Variants in ZNF521 observed in about 807,000 individuals in gnomAD.
ZNF521 encodes the protein LYST-interacting protein 3.
In ZNF521, 14 loss-of-function variants were observed where a neutral mutation model predicts 105.5. The observed-to-expected ratio is 0.13, with a 90% CI of 0.09 to 0.21. The LOEUF is 0.21. Ranked by LOEUF, ZNF521 falls within the 10% of genes least tolerant of loss-of-function variation. The pLI, the probability that ZNF521 is intolerant of heterozygous loss-of-function variation, is 1.00. For missense variants in ZNF521, 1,233 were observed against 1,629.7 expected, an observed-to-expected ratio of 0.76 and a Z score of 4.19; for synonymous variants, 635 against 606.0, an observed-to-expected ratio of 1.05 and a Z score of -0.70.
chr18:25,268,959 G>A (rs186716380), intron 3 of ZNF521, among the ~76,000 whole-genome samples: 19 of 152,164 alleles, frequency 1.2e-4, no homozygotes, highest in Admixed American at 9.8e-4. Context: ...CAGGACAAAT[G>A]CCCCAATTAA....
At chr18:25,252,184 C>A (rs1007418482) in intron 3 of ZNF521, among the ~76,000 whole-genome samples, 1 of 151,790 alleles carries the variant, frequency 6.6e-6, no homozygotes, top group Non-Finnish European at 1.5e-5. Flanking sequence ...CTCCTAAGGG[C>A]GGTTCTATAA....
At chr18:25,323,105 G>A (rs956160106) in intron 2 of ZNF521, among the ~76,000 whole-genome samples, 2 of 151,970 alleles carry the variant, frequency 1.3e-5, no homozygotes, top group Non-Finnish European at 2.9e-5. Flanking sequence ...ACTGTGTGGG[G>A]AGGGGGCTGA....
At chr18:25,331,870 A>G (rs1208534935) in intron 2 of ZNF521, among the ~76,000 whole-genome samples, 1 of 148,564 alleles carries the variant, frequency 6.7e-6, no homozygotes, top group African/African-American at 2.5e-5. Flanking sequence ...TCTCTTTACT[A>G]GTGACTTTGG....
chr18:25,313,211 T>A (rs991715153), intron 3 of ZNF521, among the ~76,000 whole-genome samples: 2 of 152,150 alleles, frequency 1.3e-5, no homozygotes. Context: ...TTTTATCCCA[T>A]CTCATACTAA....
intron 2 of ZNF521, among the ~76,000 whole-genome samples, chr18:25,335,733 T>C (rs1913837394): frequency 1.3e-5 from 2 of 152,154 alleles, no homozygotes; most frequent in African/African-American, 4.8e-5. Flanking sequence ...TATATTAAGG[T>C]TTTAGACTTT....
At chr18:25,064,553 T>C (rs2033001448) in intron 7 of ZNF521, among the ~76,000 whole-genome samples, 2 of 152,360 alleles carry the variant, frequency 1.3e-5, no homozygotes, top group South Asian at 4.1e-4. Flanking sequence ...CTGTCTTATC[T>C]ACCTTGCTAA....
At chr18:25,144,408 G>T (rs2034905883) in intron 5 of ZNF521, among the ~76,000 whole-genome samples, 1 of 152,102 alleles carries the variant, frequency 6.6e-6, no homozygotes, top group Non-Finnish European at 1.5e-5. Context: ...TCATTAGTAA[G>T]CCCTGTCTTA....
intron 5 of ZNF521, among the ~76,000 whole-genome samples, chr18:25,098,544 CAAGAA>C (rs1449589695): frequency 6.6e-6 from 1 of 151,716 alleles, no homozygotes; most frequent in East Asian, 1.9e-4. Flanking sequence ...AATTGTTAGC[CAAGAA>C]AAGAAGAAAG....
At chr18:25,237,263 A>G (rs117400022) in intron 3 of ZNF521, among the ~76,000 whole-genome samples, 3,022 of 152,306 alleles carry the variant, frequency 0.02, 44 homozygotes, top group Non-Finnish European at 0.033. Context: ...AGTTTTTCAA[A>G]TATTTTAGGT....
chr18:25,173,541 GCTGTAAATGTAT>G (rs1480391802), intron 5 of ZNF521, among the ~76,000 whole-genome samples: 3 of 152,280 alleles, frequency 2.0e-5, no homozygotes, highest in Non-Finnish European at 2.9e-5. Context: ...GGGTGGAAGA[GCTGTAAATGTAT>G]CTGTAAATGT....
intron 5 of ZNF521, among the ~76,000 whole-genome samples, chr18:25,189,935 C>T (rs1048835843): frequency 7.2e-5 from 11 of 152,202 alleles, no homozygotes; most frequent in South Asian, 2.1e-4. Context: ...CCCAGCAGAA[C>T]GCCCAGCTTG....
chr18:25,096,911 A>G (rs1001809284), intron 5 of ZNF521, among the ~76,000 whole-genome samples: 26 of 152,186 alleles, frequency 1.7e-4, no homozygotes, highest in African/African-American at 4.1e-4. Flanking sequence ...TCAGAATCCA[A>G]ACAGAGGAAT....
intron 4 of ZNF521, among the ~76,000 whole-genome samples, chr18:25,218,139 T>G (rs1230896426): frequency 6.6e-6 from 1 of 152,174 alleles, no homozygotes; most frequent in African/African-American, 2.4e-5. Context: ...TATATCATCC[T>G]ATGGGGATGG....
chr18:25,148,538 G>A (rs1012417796), intron 5 of ZNF521, among the ~76,000 whole-genome samples: 5 of 151,948 alleles, frequency 3.3e-5, no homozygotes, highest in Non-Finnish European at 4.4e-5. Context: ...TAAATATTCT[G>A]GAAACAGGCT....
intron 5 of ZNF521, among the ~76,000 whole-genome samples, chr18:25,151,389 C>T (rs973712687): frequency 6.6e-5 from 10 of 152,128 alleles, no homozygotes; most frequent in Non-Finnish European, 1.5e-4. Flanking sequence ...TCTTCTAACA[C>T]CTTGTGACTT....
chr18:25,226,680 T>A lies in ZNF521; in HGVS notation c.1238A>T (p.Gln413Leu). ...VTYSCIYCNK[Q>L]LFSSLAVLQI... ...CAGAACTGCAAGACTTGAAAATAATTGTTTGTTGCAGTAAATACAGCTGTA... is the reference window on the plus strand; with the variant it reads ...CAGAACTGCAAGACTTGAAAATAATAGTTTGTTGCAGTAAATACAGCTGTA... Residue 413 changes from glutamine (Q) to leucine (L), a missense_variant, in exon 4 of 8, where the codon CAA (glutamine) becomes CTA (leucine). Around this residue, in one of 6 missense-constraint regions of ZNF521, gnomAD observed 380 missense variants for 478.0 expected, o/e 0.80. Coordinates refer to ENST00000361524, the MANE Select transcript of ZNF521 (RefSeq NM_015461.3). This position sits in a 1 kb window ranked among gnomAD's most constrained non-coding sequence, Gnocchi z 4.1. The A allele has an allele frequency of 6.2e-7, 1 of 1,614,144 alleles. No homozygotes were observed.
chr18:25,249,561 A>C (rs1907968234), intron 3 of ZNF521, among the ~76,000 whole-genome samples: 1 of 151,952 alleles, frequency 6.6e-6, no homozygotes, highest in South Asian at 2.1e-4. Context: ...TCCTGGGTTC[A>C]AGTGATTCTC....
chr18:25,162,511 T>C (rs116385556), intron 5 of ZNF521, among the ~76,000 whole-genome samples: 582 of 152,348 alleles, frequency 3.8e-3, no homozygotes, highest in African/African-American at 0.013. Context: ...TTCAGTTGAT[T>C]AATCAATCAT....
chr18:25,186,904 T>TAA lies in ZNF521; in HGVS notation c.3658+8254_3658+8255dup, dbSNP rs113619835. On this transcript the variant is annotated intron_variant, in intron 5 of 7. Transcript: ENST00000361524. ...TACTTACATGGAAATAAAGTAATGC[T>TAA]AAAAAAAAAAAAAAAAAGAAAAAGA... is the stretch of plus-strand genomic sequence containing the variant. 9.1e-3 allele frequency among the ~76,000 whole-genome samples: 674 copies of TAA among 74,328 alleles called. 9 individuals are homozygous for TAA. The highest frequency in any genetic ancestry group is 0.025 in the African/African-American group (585 of 23,388). The allele number at this position is 74,328 out of a possible 152,430, so 48.8% of individuals were successfully genotyped here. A position where few individuals can be genotyped will look rare whatever the true frequency, so the allele number is the denominator to read the frequency against.
Sources: gnomAD v4.1 joint callset for allele counts (sites outside exome capture counted in the v4.1 genomes callset) on GRCh38, gnomAD v4.1.1 for gene constraint, gnomAD v4.1.1 regional missense constraint, Gnocchi (gnomAD v3.1) non-coding constraint, MANE v1.5 for transcripts, NCBI Gene and HGNC (gene_info 2026-07-23, HGNC 2026-07-21) for gene names.